The following RGSL1 variants were observed in gnomAD, a reference collection of about 807,000 sequenced individuals.
The protein encoded by RGSL1 is regulator of G protein signaling protein-like.
Under a neutral mutation model 124.7 loss-of-function variants are expected in RGSL1, and 97 were observed. That is an observed-to-expected ratio of 0.78 (90% CI 0.66 to 0.92). RGSL1 has a LOEUF of 0.92. RGSL1 is among the 40% of genes least tolerant of loss of function. The pLI, the probability that RGSL1 is intolerant of heterozygous loss-of-function variation, is 0.00. For missense variants in RGSL1, 1,233 were observed against 1,288.4 expected (o/e 0.96, Z 0.66); for synonymous variants, 424 against 438.1 (o/e 0.97, Z 0.40).
At position 182,540,155 on chromosome 1, in the gene RGSL1, A is replaced by G. The variant is rs143251021; in HGVS notation, c.2495-92A>G. On this transcript the variant is annotated intron_variant, in intron 14 of 21. Transcript: ENST00000294854. ...TTCAGTAGGCCAAAAGGATGGATCC[A>G]CAGTCTCCTTTCTTCTTTTTGTTAT... is the stretch of plus-strand genomic sequence containing the variant. The G allele has an allele frequency of 5.2e-4, 660 of 1,264,090 alleles. 2 individuals are homozygous for G. The African/African-American group carries it at 7.8e-3, about 15-fold the overall frequency. The allele number at this position is 1,264,090 out of a possible 1,614,324, so 78.3% of individuals were successfully genotyped here.
intron 1 of RGSL1, 65 bp downstream of exon 1, chr1:182,450,243 T>C: frequency 6.5e-7 from 1 of 1,536,208 alleles, no homozygotes; most frequent in Non-Finnish European, 8.8e-7. Context: ...CCATTCATCT[T>C]CCCAATTGTT....
intron 10 of RGSL1, among the ~76,000 whole-genome samples, chr1:182,523,494 G>A (rs577560936): frequency 5.3e-5 from 8 of 152,024 alleles, no homozygotes; most frequent in African/African-American, 1.7e-4. Context: ...CTAGTCACTG[G>A]TCTCCATTAT....
chr1:182,468,730 T>C (rs1653561299), intron 4 of RGSL1, among the ~76,000 whole-genome samples: 1 of 151,900 alleles, frequency 6.6e-6, no homozygotes, highest in Admixed American at 6.6e-5. Flanking sequence ...ACCTGCACAT[T>C]GTGCACATGT....
At chr1:182,498,866 C>G (rs966442258) in intron 9 of RGSL1, among the ~76,000 whole-genome samples, 2 of 150,618 alleles carry the variant, frequency 1.3e-5, no homozygotes, top group Non-Finnish European at 2.9e-5. Flanking sequence ...GATCTTGGCT[C>G]ACTGCAACCT....
chr1:182,456,783 C>T (rs1224627312), intron 2 of RGSL1, among the ~76,000 whole-genome samples: 3 of 152,200 alleles, frequency 2.0e-5, no homozygotes, highest in African/African-American at 7.2e-5. Flanking sequence ...ATGTTGAATA[C>T]TCCTTAAGTT....
Position 182,474,540 on chromosome 1 carries a change from A to G in RGSL1, c.1429A>G (p.Lys477Glu). Residue 477 changes from lysine (K) to glutamate (E), a missense_variant and splice_region_variant, in exon 6 of 22, where the codon AAG (lysine) becomes GAG (glutamate). Physicochemically the swap from Lys to Glu is moderately conservative, Grantham distance 56. Transcript: ENST00000294854. Reference sequence around the variant, plus strand: ...TCCCAAAGCCCAGAAGGAGATTTGCAAGGTAGGCCATGCCTCACAGAAATA... The same window carrying G: ...TCCCAAAGCCCAGAAGGAGATTTGCGAGGTAGGCCATGCCTCACAGAAATA... ...WIPKAQKEIC[K>E]MLSPWYDEFL... 6.5e-7 allele frequency: 1 copy of G among 1,538,080 alleles called. No individual in the cohort carries two copies. The highest frequency in any genetic ancestry group is 8.8e-7 in the Non-Finnish European group (1 of 1,138,962).
At chr1:182,456,486 C>T (rs763874666) in intron 2 of RGSL1, among the ~76,000 whole-genome samples, 10 of 152,178 alleles carry the variant, frequency 6.6e-5, no homozygotes, top group African/African-American at 1.4e-4. Flanking sequence ...TTAGTAGAGA[C>T]GGAGTTTCTC....
intron 6 of RGSL1, among the ~76,000 whole-genome samples, chr1:182,482,403 TA>T (rs903710653): frequency 2.8e-5 from 4 of 143,532 alleles, no homozygotes; most frequent in African/African-American, 1.0e-4. Context: ...ACAAGAAAAA[TA>T]AAAAATAAAA....
In RGSL1 at chr1:182,458,326, G is replaced by A. The variant is rs531737920; in HGVS notation, c.104G>A (p.Gly35Asp). 1 of 1,551,896 alleles carries A rather than the reference G, an allele frequency of 6.4e-7. No individual in the cohort carries two copies. The highest frequency in any genetic ancestry group is 1.2e-5 in the South Asian group (1 of 84,032). ...CCTAGCTTTGTTTTGCAGGTTTTTG[G>A]TCAGACACCATTTTATACTGTTGAA... ...FNTFLSLPVF[G>D]QTPFYTVENS... Residue 35 changes from glycine to aspartate, a missense_variant, in exon 3 of 22, where the codon GGT becomes GAT. Gly to Asp is a moderately conservative substitution (Grantham distance 94, BLOSUM62 -1). Coordinates refer to ENST00000294854, the MANE Select transcript of RGSL1 (RefSeq NM_001137669.2).
At chr1:182,510,302 C>T (rs1201284410) in intron 9 of RGSL1, among the ~76,000 whole-genome samples, 4 of 37,568 alleles carry the variant, frequency 1.1e-4, no homozygotes, top group East Asian at 6.8e-4. Context: ...GCTGCAATCT[C>T]GGCACTTTGG....
Position 182,482,014 on chromosome 1 carries a change from G to A in RGSL1, c.1432-6271G>A, listed in dbSNP as rs575686607. Among the ~76,000 whole-genome samples, 22 of 152,154 alleles carry A rather than the reference G, an allele frequency of 1.4e-4. No individual in the cohort carries two copies. The South Asian group carries it at 4.6e-3, about 32-fold the overall frequency. ...AAATACTAGCAAACCAAATACAACA[G>A]CCTATTAAAAGAATTATACACAATT... On this transcript the variant is annotated intron_variant, in intron 6 of 21. Transcript: ENST00000294854.
intron 15 of RGSL1, among the ~76,000 whole-genome samples, chr1:182,545,737 T>G (rs10911090): frequency 0.52 from 79,244 of 151,536 alleles, 20,883 homozygotes; most frequent in Non-Finnish European, 0.56. Flanking sequence ...CTTTGAGAAT[T>G]TTTTCTCAAA....
intron 6 of RGSL1, among the ~76,000 whole-genome samples, chr1:182,478,255 T>C (rs1026375440): frequency 6.6e-6 from 1 of 151,906 alleles, no homozygotes; most frequent in African/African-American, 2.4e-5. Flanking sequence ...GCCAAAATAA[T>C]CATCTTAGAG....
chr1:182,511,411 G>A lies in RGSL1; in HGVS notation c.1826-10593G>A, dbSNP rs116589382. Among the ~76,000 whole-genome samples, 417 of 152,268 alleles carry A rather than the reference G, an allele frequency of 2.7e-3. 6 individuals are homozygous for A. The highest frequency in any genetic ancestry group is 9.5e-3 in the African/African-American group (395 of 41,542). ...ACTCCCGACCTCAGGTGATCTGCCC[G>A]TCTCGGCTTCCCTAAGAGCTGGGAT... is the stretch of plus-strand genomic sequence containing the variant. On this transcript the variant is annotated intron_variant, in intron 9 of 21. Transcript: ENST00000294854.
chr1:182,528,851 A>C (rs1227837771), intron 11 of RGSL1, among the ~76,000 whole-genome samples: 1 of 152,228 alleles, frequency 6.6e-6, no homozygotes, highest in East Asian at 1.9e-4. Context: ...TAATTGACGC[A>C]CAGTTCCACA....
At chr1:182,497,495 C>G (rs1656022967) in intron 9 of RGSL1, among the ~76,000 whole-genome samples, 1 of 151,506 alleles carries the variant, frequency 6.6e-6, no homozygotes, top group Non-Finnish European at 1.5e-5. Context: ...GAAAAAAATC[C>G]TTTATTGAAC....
chr1:182,509,553 T>C (rs1222935090), intron 9 of RGSL1, among the ~76,000 whole-genome samples: 2 of 90,032 alleles, frequency 2.2e-5, no homozygotes, highest in South Asian at 4.6e-4. Context: ...GACGCCCCCA[T>C]CTCCCTCCCG....
At chr1:182,515,633 G>A (rs892322727) in intron 9 of RGSL1, among the ~76,000 whole-genome samples, 17 of 151,872 alleles carry the variant, frequency 1.1e-4, no homozygotes, top group African/African-American at 3.1e-4. Context: ...GTATCTTTCC[G>A]CCAGTTTAGA....
At chr1:182,540,879 A>G (rs2102300148) in intron 15 of RGSL1, among the ~76,000 whole-genome samples, 1 of 152,298 alleles carries the variant, frequency 6.6e-6, no homozygotes, top group African/African-American at 2.4e-5. Flanking sequence ...CAAATTTTTT[A>G]TGTAAAGCCA....
Sources: gnomAD v4.1 joint callset for allele counts (sites outside exome capture counted in the v4.1 genomes callset) on GRCh38, gnomAD v4.1.1 for gene constraint, MANE v1.5 for transcripts, NCBI Gene and HGNC (gene_info 2026-07-23, HGNC 2026-07-21) for gene names.